The following RGS12 variants were observed in gnomAD, a reference collection of about 807,000 sequenced individuals.
RGS12 encodes the protein regulator of G protein signaling 12.
Under a neutral mutation model 120.1 loss-of-function variants are expected in RGS12, and 66 were observed. The ratio of observed to expected loss-of-function variants is 0.55; its 90% CI spans 0.45 to 0.67. The LOEUF (loss-of-function observed/expected upper bound fraction) is 0.67. Ranked by LOEUF, RGS12 falls within the 30% of genes least tolerant of loss-of-function variation. RGS12 has a pLI of 0.00. For synonymous variants in RGS12, 827 were observed against 804.7 expected (o/e 1.03, Z -0.47); for missense variants, 1,859 against 1,957.7 (o/e 0.95, Z 0.95).
At chr4:3,428,258 G>A (rs772802544) in intron 15 of RGS12, 89 bp downstream of exon 15, 54 of 1,193,354 alleles carry the variant, frequency 4.5e-5, no homozygotes, top group African/African-American at 2.4e-4. Context: ...CTTCCTTACC[G>A]CCTGCTTATC....
At chr4:3,305,771 A>C (rs1723941097) in intron 1 of RGS12, among the ~76,000 whole-genome samples, 1 of 152,112 alleles carries the variant, frequency 6.6e-6, no homozygotes, top group Non-Finnish European at 1.5e-5. Context: ...TTCAAGTGTC[A>C]TGATTTGGGA....
In RGS12 at chr4:3,420,750, C is replaced by T. The variant is rs776616995; in HGVS notation, c.2838+32C>T. ...CACTGTCTCCCCTCGTCCCACAGGC[C>T]TCAGGGGTGTCCCCACCAGCTGACT... is the stretch of plus-strand genomic sequence containing the variant. On this transcript the variant is annotated intron_variant, in intron 10 of 17. Transcript: ENST00000336727. 8.9e-6 allele frequency: 14 copies of T among 1,571,518 alleles called. No individual in the cohort carries two copies. In the East Asian group the frequency reaches 2.0e-4, roughly 23 times the overall value.
At position 3,414,168 on chromosome 4, in the gene RGS12, A is replaced by G; in HGVS notation, c.2117A>G (p.Glu706Gly). 6.4e-7 allele frequency: 1 copy of G among 1,556,438 alleles called. No individual in the cohort carries two copies. The highest frequency in any genetic ancestry group is 8.7e-7 in the Non-Finnish European group (1 of 1,155,662). Reference protein sequence around the residue: ...PSVQSCRRLRERRVASWAVSF... With the variant: ...PSVQSCRRLRGRRVASWAVSF... ...GTGCAGAGCTGCCGGCGCCTGCGTG[A>G]GAGGAGGGTCGCCAGCTGGGCCGTG... The change falls in exon 5 of 18, where the codon GAG (glutamate) becomes GGG (glycine). Residue 706 changes from glutamate (E) to glycine (G), a missense_variant. Transcript: ENST00000336727.
At chr4:3,404,288 G>C (rs796767364) in intron 4 of RGS12, among the ~76,000 whole-genome samples, 8 of 152,328 alleles carry the variant, frequency 5.3e-5, no homozygotes, top group African/African-American at 1.9e-4. Context: ...TTGTCCTGAG[G>C]CACAAGTCTC....
chr4:3,302,422 G>T (rs1323976636), intron 1 of RGS12, among the ~76,000 whole-genome samples: 5 of 152,242 alleles, frequency 3.3e-5, no homozygotes, highest in Admixed American at 6.5e-5. Context: ...TTGTCTGAGT[G>T]TCTTTGTGGT....
Position 3,343,005 on chromosome 4 carries a change from T to G in RGS12, c.1950T>G (p.Phe650Leu). The change falls in exon 3 of 18, where the codon TTT becomes TTG. Residue 650 changes from phenylalanine to leucine, a missense_variant. Phe to Leu is a conservative substitution (Grantham distance 22). Coordinates refer to ENST00000336727, the MANE Select transcript of RGS12 (RefSeq NM_001394154.1). ...AACGCACGTCTGCTCGGAGATCATT[T>G]GGGAGATCCAAGAGATTCAGTATCA... ...PSQRTSARRS[F>L]GRSKRFSITR... 6.2e-6 allele frequency: 10 copies of G among 1,613,886 alleles called. No homozygotes were observed. The highest frequency in any genetic ancestry group is 6.8e-6 in the Non-Finnish European group (8 of 1,179,930).
chr4:3,398,665 C>T (rs182826355), intron 4 of RGS12, among the ~76,000 whole-genome samples: 32 of 151,642 alleles, frequency 2.1e-4, no homozygotes, highest in African/African-American at 6.8e-4. Flanking sequence ...GTAAATGGCA[C>T]GGTATCAACA....
chr4:3,317,248 G>C lies in RGS12; in HGVS notation c.1078G>C (p.Gly360Arg), dbSNP rs199825710. The part of the protein sequence containing the change: ...KIHQGIARRF[G>R]FECTADPDTN... ...CCACCAAGGCATTGCTCGGCGGTTT[G>C]GGTTTGAGTGCACGGCCGACCCAGA... The change falls in exon 2 of 18, where the codon GGG becomes CGG. Residue 360 changes from glycine (G) to arginine (R), a missense_variant. This residue lies in a region of RGS12 where 967 missense variants were observed against 994.2 expected (regional missense o/e 0.97). Transcript: ENST00000336727. 1 of 1,614,172 alleles carries C rather than the reference G, an allele frequency of 6.2e-7. No individual in the cohort carries two copies. Among genetic ancestry groups the C allele is most frequent in the Admixed American group, 1.7e-5 (1 of 60,030 alleles).
At chr4:3,400,175 G>A (rs910924959) in intron 4 of RGS12, among the ~76,000 whole-genome samples, 1 of 152,200 alleles carries the variant, frequency 6.6e-6, no homozygotes, top group Admixed American at 6.5e-5. Context: ...TACCAATATT[G>A]GAGAAAGATG....
At chr4:3,305,270 C>A (rs1177619310) in intron 1 of RGS12, among the ~76,000 whole-genome samples, 3 of 152,276 alleles carry the variant, frequency 2.0e-5, no homozygotes, top group East Asian at 3.9e-4. Context: ...GTCGCTAGGT[C>A]CAGCCTACAC....
chr4:3,403,897 G>C (rs1354874033), intron 4 of RGS12, among the ~76,000 whole-genome samples: 1 of 152,222 alleles, frequency 6.6e-6, no homozygotes, highest in South Asian at 2.1e-4. Flanking sequence ...CTATTGACGT[G>C]GGGTGATGTG....
chr4:3,338,046 A>G (rs1039534635), intron 2 of RGS12, among the ~76,000 whole-genome samples: 2 of 152,022 alleles, frequency 1.3e-5, no homozygotes, highest in Non-Finnish European at 2.9e-5. Flanking sequence ...CTCCGAACTG[A>G]TGGTCGCATG....
intron 3 of RGS12, among the ~76,000 whole-genome samples, chr4:3,367,345 C>T (rs1260321335): frequency 6.6e-6 from 1 of 152,278 alleles, no homozygotes; most frequent in African/African-American, 2.4e-5. Flanking sequence ...CTTCACGCCC[C>T]GTCCTGGTGA....
At chr4:3,437,808 C>T (rs910678859) in intron 17 of RGS12, among the ~76,000 whole-genome samples, 5 of 152,206 alleles carry the variant, frequency 3.3e-5, no homozygotes, top group African/African-American at 7.2e-5. Context: ...ATGAGGGCCT[C>T]TGGGGCCACT....
At chr4:3,310,388 T>G (rs2110384059) in intron 1 of RGS12, among the ~76,000 whole-genome samples, 1 of 152,320 alleles carries the variant, frequency 6.6e-6, no homozygotes, top group South Asian at 2.1e-4. Flanking sequence ...CAGTCCACGC[T>G]GCACCCCAAG....
rs571179920 is a variant in RGS12 at position 3,408,433 on chromosome 4, C to T, written c.2021-5639C>T. Among the ~76,000 whole-genome samples, 8 of 152,304 alleles carry T rather than the reference C, an allele frequency of 5.3e-5. No individual in the cohort carries two copies. In the East Asian group the frequency reaches 5.8e-4, roughly 11 times the overall value. On this transcript the variant is annotated intron_variant, in intron 4 of 17. Coordinates refer to ENST00000336727, the MANE Select transcript of RGS12 (RefSeq NM_001394154.1). ...AAATGGTGCTCAGGGGGCTCTGCCT[C>T]GCACCTGGCTCTGCTGTGTTCCTCT...
intron 4 of RGS12, among the ~76,000 whole-genome samples, chr4:3,399,996 A>G (rs1450312749): frequency 6.6e-6 from 1 of 152,216 alleles, no homozygotes; most frequent in Non-Finnish European, 1.5e-5. Context: ...ACTGTTTCAC[A>G]TTCATTGGCC....
At chr4:3,408,656 C>G (rs1281440751) in intron 4 of RGS12, among the ~76,000 whole-genome samples, 1 of 152,140 alleles carries the variant, frequency 6.6e-6, no homozygotes, top group Admixed American at 6.5e-5. Flanking sequence ...CCCAGCAGGT[C>G]CCGTCTGTGC....
At chr4:3,285,968 G>A in the RGS12 span, among the ~76,000 whole-genome samples, 74 of 152,330 alleles carry the variant, frequency 4.9e-4, no homozygotes, top group African/African-American at 1.4e-3. Flanking sequence ...AGGGAGCCAC[G>A]GCTTCACCAC....
Sources: allele counts gnomAD v4.1 joint callset (sites outside exome capture counted in the v4.1 genomes callset), GRCh38; gene constraint gnomAD v4.1.1; regional missense constraint gnomAD v4.1.1; transcripts MANE v1.5; gene names NCBI Gene and HGNC (gene_info 2026-07-23, HGNC 2026-07-21).